The following ZNF605 variants were observed in gnomAD, a reference collection of about 807,000 sequenced individuals.
ZNF605 encodes the protein zinc finger protein 605.
ZNF605 carries 9 observed loss-of-function variants against 7.9 expected under a neutral mutation model. The ratio of observed to expected loss-of-function variants is 1.14; its 90% CI spans 0.68 to 1.98. ZNF605 has a LOEUF of 1.98. Among genes scored for constraint, ZNF605 ranks in the 30% most tolerant of loss-of-function variants. ZNF605 has a pLI of 0.00. For missense variants in ZNF605, 673 were observed against 762.4 expected, an observed-to-expected ratio of 0.88 and a Z score of 1.38; for synonymous variants, 255 against 260.1, an observed-to-expected ratio of 0.98 and a Z score of 0.19.
In ZNF605 at chr12:132,926,857, A is replaced by G. The variant is rs1466011925; in HGVS notation, c.442T>C (p.Cys148Arg). The change falls in exon 5 of 5, where the codon TGT becomes CGT. Residue 148 changes from cysteine to arginine, a missense_variant. Physicochemically the swap from Cys to Arg is radical, Grantham distance 180. Transcript: ENST00000360187. ...GGIKYCDCST[C>R]RKSSNEEPWL... Reference sequence around the variant, plus strand: ...GGCTCTTCGTTGCTGGATTTTCTACATGTACTGCAATCACAGTATTTTATC... The same window carrying G: ...GGCTCTTCGTTGCTGGATTTTCTACGTGTACTGCAATCACAGTATTTTATC... The G allele has an allele frequency of 2.5e-6, 4 of 1,614,102 alleles. No homozygotes were observed. Among genetic ancestry groups the G allele is most frequent in the East Asian group, 4.5e-5 (2 of 44,902 alleles).
In ZNF605 at chr12:132,923,964, C is replaced by G. The variant is rs1952225002; in HGVS notation, c.*1409G>C. On this transcript the variant is annotated 3_prime_UTR_variant, in exon 5 of 5. Coordinates refer to ENST00000360187, the MANE Select transcript of ZNF605 (RefSeq NM_183238.4). ...TCTTCTTTTTCTGTATCTAATCTCT[C>G]CACTCGGGATTTTAACAAAATCAGA... The G allele has an allele frequency of 6.6e-6, 1 of 152,068 alleles. No homozygotes were observed. The highest frequency in any genetic ancestry group is 1.5e-5 in the Non-Finnish European group (1 of 68,026). The allele number at this position is 152,068 out of a possible 1,614,324, so 9.4% of individuals were successfully genotyped here. A position where few individuals can be genotyped will look rare whatever the true frequency, so the allele number is the denominator to read the frequency against.
At chr12:132,939,527 G>C (rs1259143171) in intron 3 of ZNF605, among the ~76,000 whole-genome samples, 165 of 152,046 alleles carry the variant, frequency 1.1e-3, no homozygotes, top group African/African-American at 3.9e-3. Flanking sequence ...ACCTGTGTGT[G>C]GAAACTCTGT....
At chr12:132,942,083 CT>C (rs1233819123) in intron 3 of ZNF605, among the ~76,000 whole-genome samples, 5 of 152,114 alleles carry the variant, frequency 3.3e-5, no homozygotes, top group Non-Finnish European at 7.3e-5. Flanking sequence ...TGTATACAAC[CT>C]TTCCAGACAG....
Position 132,941,809 on chromosome 12 carries a change from G to A in ZNF605, c.15+3812C>T, listed in dbSNP as rs1952445675. On this transcript the variant is annotated intron_variant, in intron 3 of 4. Coordinates refer to ENST00000360187, the MANE Select transcript of ZNF605 (RefSeq NM_183238.4). This position sits in a 1 kb window ranked among gnomAD's most constrained non-coding sequence, Gnocchi z 5.1. ...CGCGCCCTTTTCCAGGCTGCCCTCT[G>A]TCACGCTCCTTCTCGAGGCTGCCCT... 3.3e-5 allele frequency among the ~76,000 whole-genome samples: 5 copies of A among 150,230 alleles called. No homozygotes were observed. The highest frequency in any genetic ancestry group is 5.9e-5 in the Non-Finnish European group (4 of 67,570).
At chr12:132,947,789 G>A (rs1224850106) in intron 2 of ZNF605, among the ~76,000 whole-genome samples, 1 of 146,756 alleles carries the variant, frequency 6.8e-6, no homozygotes, top group African/African-American at 2.5e-5. Flanking sequence ...TTTTTTTTGA[G>A]GTGGAGTTTC....
intron 1 of ZNF605, among the ~76,000 whole-genome samples, chr12:132,953,150 C>T (rs200234926): frequency 5.3e-5 from 8 of 152,200 alleles, no homozygotes; most frequent in African/African-American, 1.4e-4. Context: ...ACACAACCAC[C>T]GAACCCCATC....
At chr12:132,953,151 G>A (rs200895547) in intron 1 of ZNF605, among the ~76,000 whole-genome samples, 6,498 of 151,918 alleles carry the variant, frequency 0.043, 183 homozygotes, top group East Asian at 0.075. Flanking sequence ...CACAACCACC[G>A]AACCCCATCA....
At chr12:132,945,119 C>G in intron 3 of ZNF605, 1 of 376,862 alleles carries the variant, frequency 2.7e-6, no homozygotes. Flanking sequence ...TCCCGAGTAG[C>G]TGGGAGGCTA....
rs963543076 is a variant in ZNF605 at position 132,927,760 on chromosome 12, G to A, written c.137-598C>T. ...CAACCTCCACCTCCCGGGTTCAAGC[G>A]ATTCTCCTGCCTCAGCCTCCTGAGT... On this transcript the variant is annotated intron_variant, in intron 4 of 4. Coordinates refer to ENST00000360187, the MANE Select transcript of ZNF605 (RefSeq NM_183238.4). Among the ~76,000 whole-genome samples the A allele has an allele frequency of 8.0e-5, 12 of 150,040 alleles. No homozygotes were observed. The South Asian group carries it at 1.5e-3, about 19-fold the overall frequency.
intron 4 of ZNF605, chr12:132,932,757 T>C: frequency 6.5e-7 from 1 of 1,536,678 alleles, no homozygotes; most frequent in Non-Finnish European, 8.7e-7. Flanking sequence ...TATCCATGGA[T>C]CTTGTTGTTC....
At chr12:132,940,516 G>C (rs1952425445) in intron 3 of ZNF605, among the ~76,000 whole-genome samples, 1 of 152,104 alleles carries the variant, frequency 6.6e-6, no homozygotes, top group Non-Finnish European at 1.5e-5. Flanking sequence ...CCCCGGTCCT[G>C]AGTGTATTGT....
chr12:132,937,236 G>T (rs1429765470), intron 3 of ZNF605, among the ~76,000 whole-genome samples: 1 of 151,702 alleles, frequency 6.6e-6, no homozygotes, highest in East Asian at 1.9e-4. Flanking sequence ...ACACGCACCT[G>T]TAATCCTACC....
chr12:132,921,044 C>T lies in ZNF605; in HGVS notation c.*4329G>A, dbSNP rs939676015. The T allele has an allele frequency of 2.0e-5, 3 of 152,094 alleles. No homozygotes were observed. Among genetic ancestry groups the T allele is most frequent in the Admixed American group, 6.6e-5 (1 of 15,264 alleles). The allele number at this position is 152,094 out of a possible 1,614,324, so 9.4% of individuals were successfully genotyped here. A position where few individuals can be genotyped will look rare whatever the true frequency, so the allele number is the denominator to read the frequency against. ...GTTTCACCATGTTATTCAGGCTGGT[C>T]GCGAACTCCTGAACTCAGGTGATCC... On this transcript the variant is annotated 3_prime_UTR_variant, in exon 5 of 5. Coordinates refer to ENST00000360187, the MANE Select transcript of ZNF605 (RefSeq NM_183238.4).
In ZNF605 at chr12:132,922,818, C is replaced by T. The variant is rs553509379; in HGVS notation, c.*2555G>A. The T allele has an allele frequency of 8.3e-5, 12 of 144,916 alleles. No individual in the cohort carries two copies. The highest frequency in any genetic ancestry group is 1.6e-4 in the Non-Finnish European group (11 of 66,992). The allele number at this position is 144,916 out of a possible 1,614,324, so 9.0% of individuals were successfully genotyped here. ...AGGAAGCTGTATCCTTACGGGAACA[C>T]AGAAGCTACCATGGTCCAGGCAGGA... is the stretch of plus-strand genomic sequence containing the variant. On this transcript the variant is annotated 3_prime_UTR_variant, in exon 5 of 5. Coordinates refer to ENST00000360187, the MANE Select transcript of ZNF605 (RefSeq NM_183238.4).
chr12:132,932,709 T>C lies in ZNF605; in HGVS notation c.136+326A>G, dbSNP rs1952320304. 1.8e-5 allele frequency: 27 copies of C among 1,522,042 alleles called. No homozygotes were observed. The South Asian group carries it at 3.1e-4, about 18-fold the overall frequency. The allele number at this position is 1,522,042 out of a possible 1,614,324, so 94.3% of individuals were successfully genotyped here. A position where few individuals can be genotyped will look rare whatever the true frequency, so the allele number is the denominator to read the frequency against. Reference sequence around the variant, plus strand: ...TGTATCTCATAAACCTGATTATTCCTCACCTGAAAAGTTCTGATTTAGGAT... The same window carrying C: ...TGTATCTCATAAACCTGATTATTCCCCACCTGAAAAGTTCTGATTTAGGAT... On this transcript the variant is annotated intron_variant, in intron 4 of 4. Coordinates refer to ENST00000360187, the MANE Select transcript of ZNF605 (RefSeq NM_183238.4).
intron 1 of ZNF605, among the ~76,000 whole-genome samples, chr12:132,953,892 C>T (rs960088341): frequency 2.0e-5 from 3 of 152,062 alleles, no homozygotes; most frequent in Non-Finnish European, 4.4e-5. Context: ...ATCCCAAGCC[C>T]TCCGATCATT....
chr12:132,948,796 T>C lies in ZNF605; in HGVS notation c.-285-526A>G, dbSNP rs369233077. On this transcript the variant is annotated intron_variant, in intron 1 of 4. Coordinates refer to ENST00000360187, the MANE Select transcript of ZNF605 (RefSeq NM_183238.4). ...GCGGTCTCCCACGTACCCCAGAGGC[T>C]GAGGATTGGAGAATTAGACAAGGGT... Among the ~76,000 whole-genome samples the C allele has an allele frequency of 6.2e-3, 950 of 152,272 alleles. 11 individuals are homozygous for C. The highest frequency in any genetic ancestry group is 0.021 in the African/African-American group (882 of 41,544).
In ZNF605 at chr12:132,933,120, C is replaced by G; in HGVS notation, c.51G>C (p.Leu17=). Residue 17 remains leucine (L), a synonymous_variant, in exon 4 of 5, where the codon CTG becomes CTC. Transcript: ENST00000360187. This position sits in a 1 kb window ranked among gnomAD's most constrained non-coding sequence, Gnocchi z 4.4. The part of the protein sequence containing the change: ...SFEDVAVDFT[L]EEWQLLNPTQ... ...TAGGATTAAGTAGCTGCCATTCCTC[C>G]AGCGTGAAATCCACAGCCACATCCT... is the stretch of plus-strand genomic sequence containing the variant. 6.2e-7 allele frequency: 1 copy of G among 1,611,710 alleles called. No homozygotes were observed. Among genetic ancestry groups the G allele is most frequent in the Non-Finnish European group, 8.5e-7 (1 of 1,178,390 alleles).
At chr12:132,937,417 T>C (rs1363637665) in intron 3 of ZNF605, among the ~76,000 whole-genome samples, 1 of 146,028 alleles carries the variant, frequency 6.8e-6, no homozygotes, top group East Asian at 2.0e-4. Context: ...TATGAAAAGA[T>C]GTTCAATATA....
Sources: allele counts gnomAD v4.1 joint callset (sites outside exome capture counted in the v4.1 genomes callset), GRCh38; gene constraint gnomAD v4.1.1; non-coding constraint Gnocchi (gnomAD v3.1); transcripts MANE v1.5; gene names NCBI Gene and HGNC (gene_info 2026-07-23, HGNC 2026-07-21).